TMEM108: variants seen among roughly 807,000 people sequenced by gnomAD.
TMEM108 encodes transmembrane protein 108, also known as cancer/testis antigen 124.
TMEM108 carries 12 observed loss-of-function variants against 35.1 expected under a neutral mutation model. That is an observed-to-expected ratio of 0.34 (90% CI 0.22 to 0.55). The LOEUF is 0.55. Ranked by LOEUF, TMEM108 falls within the 20% of genes least tolerant of loss-of-function variation. The pLI is 0.89. For synonymous variants in TMEM108, 287 were observed against 308.6 expected, an observed-to-expected ratio of 0.93 and a Z score of 0.73; for missense variants, 680 against 753.3, an observed-to-expected ratio of 0.90 and a Z score of 1.14.
At position 133,380,821 on chromosome 3, in the gene TMEM108, C is replaced by A. The variant is rs775340663; in HGVS notation, c.1110C>A (p.Ala370=). 2 of 1,614,166 alleles carry A rather than the reference C, an allele frequency of 1.2e-6. No individual in the cohort carries two copies. The highest frequency in any genetic ancestry group is 2.2e-5 in the East Asian group (1 of 44,888). ...TPAAFDTSVS[A]PSQGIPQGAS... ...CTGCCTTCGATACCAGTGTCTCAGCCCCTTCCCAGGGGATTCCTCAGGGAG... is the reference window on the plus strand; with the variant it reads ...CTGCCTTCGATACCAGTGTCTCAGCACCTTCCCAGGGGATTCCTCAGGGAG... Residue 370 remains alanine, a synonymous_variant, in exon 4 of 6, where the codon GCC becomes GCA. Transcript: ENST00000321871. This position sits in a 1 kb window ranked among gnomAD's most constrained non-coding sequence, Gnocchi z 5.3.
intron 3 of TMEM108, among the ~76,000 whole-genome samples, chr3:133,234,526 A>G (rs1208027188): frequency 6.6e-6 from 1 of 152,220 alleles, no homozygotes; most frequent in Non-Finnish European, 1.5e-5. Context: ...TAGATACAGA[A>G]AAGGCCTTTA....
chr3:133,075,164 C>T (rs991285219), intron 2 of TMEM108, among the ~76,000 whole-genome samples: 1 of 152,194 alleles, frequency 6.6e-6, no homozygotes, highest in Non-Finnish European at 1.5e-5. Context: ...TTCCCTCAAG[C>T]TCCCCTTCCC....
At chr3:133,108,798 G>A (rs1274692507) in intron 2 of TMEM108, among the ~76,000 whole-genome samples, 1 of 147,944 alleles carries the variant, frequency 6.8e-6, no homozygotes, top group Non-Finnish European at 1.5e-5. Context: ...GAGAACACAT[G>A]GACACAGGAA....
intron 3 of TMEM108, among the ~76,000 whole-genome samples, chr3:133,340,674 A>G (rs1304295732): frequency 1.3e-5 from 2 of 151,912 alleles, no homozygotes. Context: ...AAAATTCTCA[A>G]TAGAATATTA....
intron 1 of TMEM108, among the ~76,000 whole-genome samples, chr3:133,042,934 G>A (rs1468969562): frequency 6.6e-6 from 1 of 152,176 alleles, no homozygotes; most frequent in Non-Finnish European, 1.5e-5. Flanking sequence ...CTTAATGTAG[G>A]GCTTTAAAGC....
Position 133,380,739 on chromosome 3 carries a change from G to A in TMEM108, c.1028G>A (p.Ser343Asn), listed in dbSNP as rs535065177. ...TGGCTTACTGTTACCCCTGGCACCAGCAGACCTCTGTCTACCAGCTCTGGG... is the reference window on the plus strand; with the variant it reads ...TGGCTTACTGTTACCCCTGGCACCAACAGACCTCTGTCTACCAGCTCTGGG... ...DSWLTVTPGT[S>N]RPLSTSSGVF... Residue 343 changes from serine (S) to asparagine (N), a missense_variant, in exon 4 of 6, where the codon AGC (serine) becomes AAC (asparagine). Ser to Asn is a conservative substitution (Grantham distance 46). Coordinates refer to ENST00000321871, the MANE Select transcript of TMEM108 (RefSeq NM_023943.4). This position sits in a 1 kb window ranked among gnomAD's most constrained non-coding sequence, Gnocchi z 5.3. 24 of 1,614,080 alleles carry A rather than the reference G, an allele frequency of 1.5e-5. No homozygotes were observed. The African/African-American group carries it at 2.1e-4, about 14-fold the overall frequency.
At chr3:133,278,522 T>C (rs1192596959) in intron 3 of TMEM108, among the ~76,000 whole-genome samples, 2 of 152,248 alleles carry the variant, frequency 1.3e-5, no homozygotes, top group African/African-American at 2.4e-5. Context: ...TGGTACAGTA[T>C]ACTACACACC....
intron 2 of TMEM108, among the ~76,000 whole-genome samples, chr3:133,203,720 C>T (rs1022487888): frequency 6.6e-5 from 10 of 152,074 alleles, no homozygotes; most frequent in African/African-American, 1.9e-4. Context: ...AGGATTTTCG[C>T]GTTGACCTTC....
At chr3:133,267,322 T>G (rs1946713523) in intron 3 of TMEM108, among the ~76,000 whole-genome samples, 1 of 152,082 alleles carries the variant, frequency 6.6e-6, no homozygotes, top group African/African-American at 2.4e-5. Context: ...AATACAAGAA[T>G]GGAGACATGC....
rs536090355 is a variant in TMEM108, at chr3:133,076,486, G to A, written c.-47+30466G>A. Reference sequence around the variant, plus strand: ...TAACATGATGTTGGAGATTGGGCAGGACTGCTTGGGAGAAGCAATTGACTA... The same window carrying A: ...TAACATGATGTTGGAGATTGGGCAGAACTGCTTGGGAGAAGCAATTGACTA... On this transcript the variant is annotated intron_variant, in intron 2 of 5. Coordinates refer to ENST00000321871, the MANE Select transcript of TMEM108 (RefSeq NM_023943.4). 2.0e-5 allele frequency among the ~76,000 whole-genome samples: 3 copies of A among 152,254 alleles called. No individual in the cohort carries two copies. The South Asian group carries it at 6.2e-4, about 32-fold the overall frequency.
intron 2 of TMEM108, among the ~76,000 whole-genome samples, chr3:133,137,490 A>G (rs946818052): frequency 2.6e-5 from 4 of 152,196 alleles, no homozygotes; most frequent in Non-Finnish European, 5.9e-5. Context: ...TGCTGTCTTC[A>G]AGTAACAAAG....
intron 3 of TMEM108, among the ~76,000 whole-genome samples, chr3:133,296,004 G>T (rs1947139989): frequency 6.6e-6 from 1 of 152,178 alleles, no homozygotes; most frequent in African/African-American, 2.4e-5. Flanking sequence ...TTAAAACTGA[G>T]AAGGGCTCTT....
intron 2 of TMEM108, among the ~76,000 whole-genome samples, chr3:133,179,719 C>G (rs1016068858): frequency 1.3e-3 from 194 of 152,084 alleles, no homozygotes; most frequent in African/African-American, 4.4e-3. Context: ...TGATGAGTTA[C>G]TGGGTGCAGC....
intron 2 of TMEM108, among the ~76,000 whole-genome samples, chr3:133,166,488 C>T (rs4854573): frequency 0.25 from 37,381 of 152,074 alleles, 5,737 homozygotes; most frequent in Admixed American, 0.42. Flanking sequence ...ATGGTGTGTC[C>T]GGAGTTTGTT....
At chr3:133,104,785 C>A (rs957122920) in intron 2 of TMEM108, among the ~76,000 whole-genome samples, 1 of 152,198 alleles carries the variant, frequency 6.6e-6, no homozygotes, top group South Asian at 2.1e-4. Flanking sequence ...ACCTGTAAGA[C>A]GGCCTCCATT....
intron 3 of TMEM108, among the ~76,000 whole-genome samples, chr3:133,315,354 C>A (rs560541056): frequency 6.6e-6 from 1 of 152,180 alleles, no homozygotes; most frequent in Non-Finnish European, 1.5e-5. Flanking sequence ...TCCCTCCTCC[C>A]TCCAATCTTT....
At chr3:133,305,560 C>T (rs1395964680) in intron 3 of TMEM108, among the ~76,000 whole-genome samples, 1 of 151,942 alleles carries the variant, frequency 6.6e-6, no homozygotes, top group Non-Finnish European at 1.5e-5. Flanking sequence ...TATGAATATT[C>T]ATATACATGT....
At chr3:133,331,030 T>C (rs2071387375) in intron 3 of TMEM108, among the ~76,000 whole-genome samples, 1 of 152,136 alleles carries the variant, frequency 6.6e-6, no homozygotes, top group Non-Finnish European at 1.5e-5. Context: ...GAAACTAGAC[T>C]GACTGGGGGC....
At chr3:133,320,983 C>T (rs2107719109) in intron 3 of TMEM108, among the ~76,000 whole-genome samples, 1 of 152,236 alleles carries the variant, frequency 6.6e-6, no homozygotes, top group South Asian at 2.1e-4. Context: ...GAGCATTTGC[C>T]ACTCTCAAGC....
Sources: gnomAD v4.1 joint callset for allele counts (sites outside exome capture counted in the v4.1 genomes callset) on GRCh38, gnomAD v4.1.1 for gene constraint, Gnocchi (gnomAD v3.1) non-coding constraint, MANE v1.5 for transcripts, NCBI Gene and HGNC (gene_info 2026-07-23, HGNC 2026-07-21) for gene names.